NXN: variants seen among roughly 807,000 people sequenced by gnomAD.
NXN encodes nucleoredoxin, also known as nucleoredoxin 1.
A neutral mutation model predicts 48.6 loss-of-function variants in NXN; 16 were observed. The observed-to-expected ratio is 0.33, with a 90% CI of 0.22 to 0.50. The LOEUF (loss-of-function observed/expected upper bound fraction) is 0.50, where lower values mean the gene tolerates loss of function less well. NXN is among the 20% of genes least tolerant of loss of function. The pLI is 0.98. For synonymous variants in NXN, 281 were observed against 269.6 expected (o/e 1.04, Z -0.41); for missense variants, 492 against 605.5 (o/e 0.81, Z 1.97).
intron 5 of NXN, among the ~76,000 whole-genome samples, chr17:812,774 GTGTGTGCA>G (rs558111344): frequency 0.065 from 9,737 of 149,932 alleles, 422 homozygotes; most frequent in Middle Eastern, 0.087. Context: ...GTGAGTGTAG[GTGTGTGCA>G]TGTGTGTAGG....
intron 5 of NXN, among the ~76,000 whole-genome samples, chr17:813,891 G>A (rs551905206): frequency 1.6e-3 from 236 of 151,788 alleles, no homozygotes; most frequent in African/African-American, 5.5e-3. Context: ...GCTTGAACCC[G>A]GGAGGCAGAG....
At chr17:889,708 AAAGAAAG>A (rs1425886363) in intron 1 of NXN, among the ~76,000 whole-genome samples, 1 of 44,124 alleles carries the variant, frequency 2.3e-5, no homozygotes, top group African/African-American at 1.1e-4. Context: ...AAAAAGAAAG[AAAGAAAG>A]AAAGAAAGAA....
At chr17:904,778 A>G (rs930459533) in intron 1 of NXN, among the ~76,000 whole-genome samples, 1 of 152,174 alleles carries the variant, frequency 6.6e-6, no homozygotes, top group Non-Finnish European at 1.5e-5. Context: ...TCCTGACCTC[A>G]GGTGATCTGC....
intron 1 of NXN, among the ~76,000 whole-genome samples, chr17:926,544 T>C (rs12940270): frequency 1.2e-5 from 1 of 86,872 alleles, no homozygotes; most frequent in East Asian, 1.2e-3. Context: ...GTTTTTTTTT[T>C]GTTTTTTTGT....
In NXN at chr17:825,989, C is replaced by T; in HGVS notation, c.450G>A (p.Gly150=). Residue 150 remains glycine (G), a synonymous_variant, in exon 2 of 8, where the codon GGG becomes GGA. Coordinates refer to ENST00000336868, the MANE Select transcript of NXN (RefSeq NM_022463.5). This position sits in a 1 kb window ranked among gnomAD's most constrained non-coding sequence, Gnocchi z 4.1. ...CTGGGTCATCTCGGATCACCAGCAG[C>T]CCGTTCCTGCACACAACCTTCCCAG... ...ATTGKVVCRN[G]LLVIRDDPEG... 1.2e-6 allele frequency: 2 copies of T among 1,613,184 alleles called. No homozygotes were observed. The highest frequency in any genetic ancestry group is 8.5e-7 in the Non-Finnish European group (1 of 1,179,414).
intron 1 of NXN, among the ~76,000 whole-genome samples, chr17:881,027 A>G (rs1196695575): frequency 6.6e-6 from 1 of 151,982 alleles, no homozygotes; most frequent in African/African-American, 2.4e-5. Flanking sequence ...AGGCTCTGGG[A>G]GTGCACACTC....
chr17:974,011 A>G (rs1208776952), intron 1 of NXN, among the ~76,000 whole-genome samples: 1 of 151,734 alleles, frequency 6.6e-6, no homozygotes, highest in Non-Finnish European at 1.5e-5. Flanking sequence ...ACCTTCATCA[A>G]ATCCCCTTGT....
Position 883,544 on chromosome 17 carries a change from G to T in NXN, c.361-57466C>A, listed in dbSNP as rs183387572. 1.7e-3 allele frequency among the ~76,000 whole-genome samples: 263 copies of T among 152,352 alleles called. 1 individual carries two copies. Among genetic ancestry groups the T allele is most frequent in the African/African-American group, 5.9e-3 (247 of 41,578 alleles). ...AAACATGCCAGGCTAAGAAGCCAAA[G>T]CTCCTCCCAAGAGAGATGACTCTGG... On this transcript the variant is annotated intron_variant, in intron 1 of 7. Transcript: ENST00000336868.
chr17:803,979 G>T, intron 6 of NXN, 173 bp from the exon 7 acceptor site: 1 of 742,720 alleles, frequency 1.3e-6, no homozygotes, highest in Non-Finnish European at 2.2e-6. Flanking sequence ...ATGGGTGTGT[G>T]TGCACATGCG....
chr17:870,898 G>C (rs186167292), intron 1 of NXN, among the ~76,000 whole-genome samples: 2 of 151,524 alleles, frequency 1.3e-5, no homozygotes, highest in African/African-American at 4.9e-5. Flanking sequence ...TCACTCTGTC[G>C]CCCAGGCTGG....
At chr17:955,064 C>T (rs915045818) in intron 1 of NXN, among the ~76,000 whole-genome samples, 13 of 152,102 alleles carry the variant, frequency 8.5e-5, no homozygotes, top group African/African-American at 1.9e-4. Context: ...GCCCCCGCGA[C>T]GGGGAGAGTG....
At chr17:943,289 T>C (rs1216085671) in intron 1 of NXN, among the ~76,000 whole-genome samples, 1 of 152,108 alleles carries the variant, frequency 6.6e-6, no homozygotes, top group African/African-American at 2.4e-5. Flanking sequence ...CCCAGCTCTG[T>C]ATGAACTACC....
intron 1 of NXN, among the ~76,000 whole-genome samples, chr17:844,935 T>C (rs1567830093): frequency 6.6e-6 from 1 of 152,026 alleles, no homozygotes; most frequent in Admixed American, 6.6e-5. Context: ...AAAACAGACC[T>C]ACCCCCAGGA....
intron 1 of NXN, among the ~76,000 whole-genome samples, chr17:934,419 C>G (rs2068885885): frequency 6.7e-6 from 1 of 150,312 alleles, no homozygotes; most frequent in Non-Finnish European, 1.5e-5. Flanking sequence ...GCACTCTAGC[C>G]TGGGCAACAC....
In NXN at chr17:811,940, T is replaced by TA. The variant is rs1244072207; in HGVS notation, c.821-6694_821-6693insT. 2.1e-5 allele frequency among the ~76,000 whole-genome samples: 3 copies of TA among 142,676 alleles called. No homozygotes were observed. In the East Asian group the frequency reaches 6.2e-4, roughly 29 times the overall value. 93.6% of individuals were successfully genotyped at this position (142,676 alleles called of 152,430 possible). A position where few individuals can be genotyped will look rare whatever the true frequency, so the allele number is the denominator to read the frequency against. On this transcript the variant is annotated intron_variant, in intron 5 of 7. Transcript: ENST00000336868. ...TTCTGCTTTTTTTTTTTTTTTTTTT[T>TA]TTTTTGAGACGGAGTCTCGCTCTGT...
chr17:806,052 G>A (rs530177737), intron 5 of NXN, among the ~76,000 whole-genome samples: 50 of 152,020 alleles, frequency 3.3e-4, no homozygotes, highest in Non-Finnish European at 5.3e-4. Context: ...GGCCAGTGCC[G>A]CCGGGGGGAA....
chr17:815,635 G>T (rs1476891806), intron 5 of NXN, among the ~76,000 whole-genome samples: 1 of 151,928 alleles, frequency 6.6e-6, no homozygotes, highest in Non-Finnish European at 1.5e-5. Context: ...TGTAGGTTTT[G>T]AAGGCGATGA....
At chr17:961,963 C>T (rs982305512) in intron 1 of NXN, among the ~76,000 whole-genome samples, 1 of 152,070 alleles carries the variant, frequency 6.6e-6, no homozygotes, top group Non-Finnish European at 1.5e-5. Context: ...GGTGAAACCT[C>T]GTTTCTACCA....
chr17:881,275 G>A (rs907361468), intron 1 of NXN, among the ~76,000 whole-genome samples: 1 of 152,188 alleles, frequency 6.6e-6, no homozygotes, highest in Admixed American at 6.5e-5. Flanking sequence ...TTTGAGACAG[G>A]ATCTCACTGT....
Sources: allele counts gnomAD v4.1 joint callset (sites outside exome capture counted in the v4.1 genomes callset), GRCh38; gene constraint gnomAD v4.1.1; non-coding constraint Gnocchi (gnomAD v3.1); transcripts MANE v1.5; gene names NCBI Gene and HGNC (gene_info 2026-07-23, HGNC 2026-07-21).